Variants in PRRC2B observed in about 807,000 individuals in gnomAD.
PRRC2B encodes the protein protein PRRC2B.
PRRC2B carries 68 observed loss-of-function variants against 242.3 expected under a neutral mutation model. That is an observed-to-expected ratio of 0.28 (90% CI 0.23 to 0.34). The LOEUF (loss-of-function observed/expected upper bound fraction) is 0.34, where lower values mean the gene tolerates loss of function less well. PRRC2B is among the 10% of genes least tolerant of loss of function. The pLI is 1.00. For missense variants in PRRC2B, 2,835 were observed against 2,954.8 expected, an observed-to-expected ratio of 0.96 and a Z score of 0.94; for synonymous variants, 1,228 against 1,173.6, an observed-to-expected ratio of 1.05 and a Z score of -0.95.
At position 131,438,982 on chromosome 9, in the gene PRRC2B, C is replaced by G. The variant is rs1247480767; in HGVS notation, c.397-7C>G. On this transcript the variant is annotated splice_polypyrimidine_tract_variant and splice_region_variant and intron_variant, in intron 4 of 31. Transcript: ENST00000683519. ...TGGCCCTCTTCTGATTCTCTTCCTT[C>G]TTTCAGAATACAAATTCAGTGCCAG... 3.1e-6 allele frequency: 5 copies of G among 1,609,784 alleles called. No homozygotes were observed. Among genetic ancestry groups the G allele is most frequent in the East Asian group, 2.2e-5 (1 of 44,836 alleles).
At position 131,476,248 on chromosome 9, in the gene PRRC2B, G is replaced by T; in HGVS notation, c.4119G>T (p.Glu1373Asp). The T allele has an allele frequency of 6.2e-7, 1 of 1,612,530 alleles. No individual in the cohort carries two copies. The highest frequency in any genetic ancestry group is 8.5e-7 in the Non-Finnish European group (1 of 1,179,352). Residue 1373 changes from glutamate to aspartate, a missense_variant, in exon 16 of 32, where the codon GAG becomes GAT. This residue lies in a region of PRRC2B where 1,536 missense variants were observed against 1,483.1 expected (regional missense o/e 1.04). Transcript: ENST00000683519. The stretch of plus-strand genomic sequence containing the variant: ...ACTCCTCCGATCACGCCAATGAGGA[G>T]TGGGAGACGGCCTCCGAAAGCAGCG... ...YQNSSDHANE[E>D]WETASESSDF...
chr9:131,496,743 G>A lies in PRRC2B; in HGVS notation c.*869G>A, dbSNP rs1286131373. 1 of 152,172 alleles carries A rather than the reference G, an allele frequency of 6.6e-6. No homozygotes were observed. The highest frequency in any genetic ancestry group is 2.4e-5 in the African/African-American group (1 of 41,426). The allele number at this position is 152,172 out of a possible 1,614,324, so 9.4% of individuals were successfully genotyped here. A position where few individuals can be genotyped will look rare whatever the true frequency, so the allele number is the denominator to read the frequency against. On this transcript the variant is annotated 3_prime_UTR_variant, in exon 32 of 32. Coordinates refer to ENST00000683519, the MANE Select transcript of PRRC2B (RefSeq NM_013318.4). ...GAGAATCACACAGGGTCCCTGTCCTGGGCTCCTCTAAAGCCAGTGGATGTG... is the reference window on the plus strand; with the variant it reads ...GAGAATCACACAGGGTCCCTGTCCTAGGCTCCTCTAAAGCCAGTGGATGTG...
At chr9:131,420,493 C>CTTTCTTTCTTTCTT in intron 1 of PRRC2B, among the ~76,000 whole-genome samples, 20 of 30,182 alleles carry the variant, frequency 6.6e-4, no homozygotes, top group Non-Finnish European at 9.5e-4. Context: ...TTCTTTCTTT[C>CTTTCTTTCTTTCTT]TTTTTTTTTT....
At chr9:131,420,909 C>T (rs1457461754) in intron 1 of PRRC2B, among the ~76,000 whole-genome samples, 1 of 152,140 alleles carries the variant, frequency 6.6e-6, no homozygotes, top group African/African-American at 2.4e-5. Context: ...GGTTCCCCCA[C>T]CCTGATATGC....
chr9:131,485,638 T>C, intron 25 of PRRC2B: 1 of 533,960 alleles, frequency 1.9e-6, no homozygotes, highest in Non-Finnish European at 3.7e-6. Context: ...AGGGGAAGCG[T>C]GGGGGTTTTG....
chr9:131,436,625 G>C lies in PRRC2B; in HGVS notation c.299G>C (p.Ser100Thr), dbSNP rs762708071. Residue 100 changes from serine (S) to threonine (T), a missense_variant, in exon 4 of 32, where the codon AGT (serine) becomes ACT (threonine). Ser to Thr is a moderately conservative substitution (Grantham distance 58). This residue lies in a region of PRRC2B where 626 missense variants were observed against 685.5 expected (regional missense o/e 0.91). Transcript: ENST00000683519. Reference sequence around the variant, plus strand: ...ACTGCCCTGCCTTTGTCTAGTTCCAGTGCGACGGCCTCTCAGCCGCCGGAG... The same window carrying C: ...ACTGCCCTGCCTTTGTCTAGTTCCACTGCGACGGCCTCTCAGCCGCCGGAG... Reference protein sequence around the residue: ...KQDQQDPKSSSATASQPPESL... With the variant: ...KQDQQDPKSSTATASQPPESL... 1.2e-6 allele frequency: 2 copies of C among 1,613,456 alleles called. No homozygotes were observed. Among genetic ancestry groups the C allele is most frequent in the East Asian group, 4.5e-5 (2 of 44,880 alleles).
chr9:131,428,629 T>G (rs1381580609), intron 1 of PRRC2B, among the ~76,000 whole-genome samples: 2 of 151,746 alleles, frequency 1.3e-5, no homozygotes, highest in East Asian at 3.9e-4. Flanking sequence ...ACTCCAAACC[T>G]CAGGTGATCT....
At chr9:131,456,637 CAA>C (rs879880633) in intron 10 of PRRC2B, among the ~76,000 whole-genome samples, 1 of 140,740 alleles carries the variant, frequency 7.1e-6, no homozygotes. Flanking sequence ...GACTCCACCT[CAA>C]AAAAAAAAAA....
chr9:131,403,713 A>G lies in PRRC2B; in HGVS notation c.-52+9450A>G, dbSNP rs560715009. On this transcript the variant is annotated intron_variant, in intron 1 of 31. Coordinates refer to ENST00000683519, the MANE Select transcript of PRRC2B (RefSeq NM_013318.4). ...AAAGCCAAGTGTTTGAAGAGAAATGAAAGCTTTTCCCCAATGTCCCAGGCA... is the reference window on the plus strand; with the variant it reads ...AAAGCCAAGTGTTTGAAGAGAAATGGAAGCTTTTCCCCAATGTCCCAGGCA... Among the ~76,000 whole-genome samples the G allele has an allele frequency of 2.0e-5, 3 of 152,092 alleles. No individual in the cohort carries two copies. The East Asian group carries it at 5.8e-4, about 29-fold the overall frequency.
chr9:131,394,537 G>C (rs1206103968), intron 1 of PRRC2B, among the ~76,000 whole-genome samples: 2 of 148,982 alleles, frequency 1.3e-5, no homozygotes, highest in Non-Finnish European at 3.0e-5. Context: ...GGCTCGGGCG[G>C]GGTCCAGGGG....
chr9:131,407,988 T>C (rs1186833777), intron 1 of PRRC2B, among the ~76,000 whole-genome samples: 3 of 152,204 alleles, frequency 2.0e-5, no homozygotes, highest in African/African-American at 7.2e-5. Flanking sequence ...AGGCATTGCA[T>C]CCAGGTTGGA....
chr9:131,437,573 A>G (rs535178802), intron 4 of PRRC2B, among the ~76,000 whole-genome samples: 71 of 152,220 alleles, frequency 4.7e-4, no homozygotes, highest in Non-Finnish European at 8.5e-4. Context: ...GGGAATGAAC[A>G]TATTTTGGTT....
chr9:131,487,858 C>G lies in PRRC2B; in HGVS notation c.5987C>G (p.Ser1996Cys), dbSNP rs777922294. The G allele has an allele frequency of 6.2e-7, 1 of 1,607,254 alleles. No homozygotes were observed. The highest frequency in any genetic ancestry group is 8.5e-7 in the Non-Finnish European group (1 of 1,174,456). Residue 1996 changes from serine (S) to cysteine (C), a missense_variant and splice_region_variant, in exon 28 of 32, where the codon TCT becomes TGT. Physicochemically the swap from Ser to Cys is moderately radical, Grantham distance 112. This residue lies in a region of PRRC2B where 574 missense variants were observed against 626.0 expected (regional missense o/e 0.92). Coordinates refer to ENST00000683519, the MANE Select transcript of PRRC2B (RefSeq NM_013318.4). This position sits in a 1 kb window ranked among gnomAD's most constrained non-coding sequence, Gnocchi z 5.3. ...GACCATCTGTCTGGCTTTTGCAGAT[C>G]TCAGGTGTACATGCACCCCAGCCTG... ...EIFSSLQPFR[S>C]QVYMHPSLSP...
At chr9:131,384,264 TTGTATGTA>T (rs72496921) in intron 1 of PRRC2B, among the ~76,000 whole-genome samples, 30 of 149,244 alleles carry the variant, frequency 2.0e-4, no homozygotes, top group South Asian at 1.1e-3. Context: ...TGGCTAATTT[TTGTATGTA>T]TGTATGTATG....
rs574422447 is a variant in PRRC2B, at chr9:131,446,357, C to T, written c.614-44C>T. 29 of 1,607,110 alleles carry T rather than the reference C, an allele frequency of 1.8e-5. No homozygotes were observed. In the African/African-American group the frequency reaches 3.7e-4, roughly 21 times the overall value. ...CAGAACCTCATACGATCCCTCCTTCCCCCTCCTCTTCCCTCTCCCCTTTTG... is the reference window on the plus strand; with the variant it reads ...CAGAACCTCATACGATCCCTCCTTCTCCCTCCTCTTCCCTCTCCCCTTTTG... On this transcript the variant is annotated intron_variant, in intron 6 of 31. Coordinates refer to ENST00000683519, the MANE Select transcript of PRRC2B (RefSeq NM_013318.4). This position sits in a 1 kb window ranked among gnomAD's most constrained non-coding sequence, Gnocchi z 4.1.
intron 2 of PRRC2B, among the ~76,000 whole-genome samples, chr9:131,432,130 T>C (rs1838197188): frequency 6.6e-6 from 1 of 152,192 alleles, no homozygotes; most frequent in African/African-American, 2.4e-5. Context: ...GTTCTTGATA[T>C]TCTAGAACTT....
In PRRC2B at chr9:131,463,123, G is replaced by A. The variant is rs545727592; in HGVS notation, c.1405-1640G>A. Among the ~76,000 whole-genome samples, 6 of 152,220 alleles carry A rather than the reference G, an allele frequency of 3.9e-5. No individual in the cohort carries two copies. The South Asian group carries it at 8.3e-4, about 21-fold the overall frequency. ...CTGATCAATACACAGCCGTTAGAAA[G>A]GTATGGATAGACCCTCAGGTTCGAT... On this transcript the variant is annotated intron_variant, in intron 11 of 31. Transcript: ENST00000683519.
chr9:131,485,158 C>T lies in PRRC2B; in HGVS notation c.5758+18C>T, dbSNP rs1322656886. The stretch of plus-strand genomic sequence containing the variant: ...TATGCCAGGTATCTCATCCCCTGAG[C>T]AAGGCCTTGGGGTCCTTCTCCATTT... On this transcript the variant is annotated intron_variant, in intron 25 of 31. Transcript: ENST00000683519. 2.6e-6 allele frequency: 4 copies of T among 1,550,576 alleles called. No individual in the cohort carries two copies. Among genetic ancestry groups the T allele is most frequent in the Non-Finnish European group, 3.5e-6 (4 of 1,141,768 alleles).
chr9:131,478,463 T>C lies in PRRC2B; in HGVS notation c.4613-11T>C. 1 of 1,612,734 alleles carries C rather than the reference T, an allele frequency of 6.2e-7. No individual in the cohort carries two copies. On this transcript the variant is annotated splice_polypyrimidine_tract_variant and intron_variant, in intron 17 of 31. Transcript: ENST00000683519. ...GGAAAGACTGTTCCTTCTCGTGAAA[T>C]CTTGGTTCAGGTGCCATCATTGAAA...
Sources: gnomAD v4.1 joint callset for allele counts (sites outside exome capture counted in the v4.1 genomes callset) on GRCh38, gnomAD v4.1.1 for gene constraint, gnomAD v4.1.1 regional missense constraint, Gnocchi (gnomAD v3.1) non-coding constraint, MANE v1.5 for transcripts, NCBI Gene and HGNC (gene_info 2026-07-23, HGNC 2026-07-21) for gene names.